The following MIR2052HG variants were observed in gnomAD, a reference collection of about 807,000 sequenced individuals.
MIR2052HG encodes MIR2052 host gene.
chr8:74,744,000 A>T (rs925521435), intron 4 of MIR2052HG, among the ~76,000 whole-genome samples: 12 of 152,218 alleles, frequency 7.9e-5, no homozygotes, highest in African/African-American at 2.9e-4. Context: ...TTATGTTTCA[A>T]ATAAATTATA....
At chr8:74,689,174 G>A (rs1385746260) in intron 2 of MIR2052HG, among the ~76,000 whole-genome samples, 1 of 152,108 alleles carries the variant, frequency 6.6e-6, no homozygotes, top group Non-Finnish European at 1.5e-5. Context: ...ATGTGCTTGG[G>A]ATGTCTCATT....
intron 2 of MIR2052HG, among the ~76,000 whole-genome samples, chr8:74,617,694 A>C (rs1466303741): frequency 6.6e-6 from 1 of 152,056 alleles, no homozygotes; most frequent in Admixed American, 6.6e-5. Flanking sequence ...TTTTTGATAT[A>C]ATTATTTCTT....
chr8:74,689,538 T>C (rs556005457), intron 2 of MIR2052HG, among the ~76,000 whole-genome samples: 1 of 152,238 alleles, frequency 6.6e-6, no homozygotes, highest in African/African-American at 2.4e-5. Context: ...TCAGAAAATA[T>C]GTTACCTGAG....
chr8:74,744,467 C>T (rs1448784725), intron 4 of MIR2052HG, among the ~76,000 whole-genome samples: 7 of 151,914 alleles, frequency 4.6e-5, no homozygotes, highest in Non-Finnish European at 7.4e-5. Context: ...CAATGCTATC[C>T]GTCCCCCCTC....
chr8:74,641,254 A>T (rs1808636518), intron 2 of MIR2052HG, among the ~76,000 whole-genome samples: 2 of 152,298 alleles, frequency 1.3e-5, no homozygotes, highest in South Asian at 4.1e-4. Flanking sequence ...TTGGGTCCTA[A>T]AAGCTCTTCA....
At position 74,600,611 on chromosome 8, in the gene MIR2052HG, C is replaced by A. The variant is rs192882863; in HGVS notation, n.128+703C>A. On this transcript the variant is annotated intron_variant and non_coding_transcript_variant, in intron 1 of 6. Transcript: ENST00000523442. Reference sequence around the variant, plus strand: ...GGAAAAAAAAAAAAGAGACGGAGCTCTGTCAGCAGGCTGGAGTGCGGTGGC... The same window carrying A: ...GGAAAAAAAAAAAAGAGACGGAGCTATGTCAGCAGGCTGGAGTGCGGTGGC... Among the ~76,000 whole-genome samples the A allele has an allele frequency of 1.7e-3, 262 of 151,660 alleles. 1 individual carries two copies. The highest frequency in any genetic ancestry group is 1.4e-3 in the Non-Finnish European group (95 of 67,812).
At chr8:74,730,133 G>C (rs1405290681) in intron 4 of MIR2052HG, among the ~76,000 whole-genome samples, 1 of 152,112 alleles carries the variant, frequency 6.6e-6, no homozygotes, top group East Asian at 1.9e-4. Context: ...ATTACTGAAG[G>C]AATCAAGTGG....
intron 4 of MIR2052HG, among the ~76,000 whole-genome samples, chr8:74,714,344 C>T (rs149833654): frequency 2.6e-3 from 390 of 152,226 alleles, no homozygotes; most frequent in Middle Eastern, 0.02. Flanking sequence ...AAATTAATAG[C>T]AACATATGTG....
At chr8:74,715,831 T>C (rs2128742070) in intron 4 of MIR2052HG, among the ~76,000 whole-genome samples, 1 of 152,324 alleles carries the variant, frequency 6.6e-6, no homozygotes, top group African/African-American at 2.4e-5. Context: ...AAGTAACAAT[T>C]AAAGCCTCTG....
At chr8:74,756,144 T>G (rs1809998184) in intron 5 of MIR2052HG, among the ~76,000 whole-genome samples, 1 of 152,176 alleles carries the variant, frequency 6.6e-6, no homozygotes, top group Admixed American at 6.5e-5. Context: ...AGTACTATAA[T>G]TAGAATTATA....
At chr8:74,682,607 A>G (rs573427513) in intron 2 of MIR2052HG, among the ~76,000 whole-genome samples, 12 of 152,288 alleles carry the variant, frequency 7.9e-5, no homozygotes, top group African/African-American at 2.6e-4. Flanking sequence ...GCTGCATGAG[A>G]TACAGCTTAA....
intron 2 of MIR2052HG, among the ~76,000 whole-genome samples, chr8:74,660,816 T>C (rs1375524885): frequency 1.2e-5 from 1 of 81,244 alleles, no homozygotes; most frequent in African/African-American, 9.4e-5. Context: ...AAATATTCCA[T>C]AAAAAAGTAA....
At chr8:74,702,297 C>A in intron 2 of MIR2052HG, 1 of 287,892 alleles carries the variant, frequency 3.5e-6, no homozygotes, top group South Asian at 2.8e-5. Context: ...AAAGAATATG[C>A]ATAGTTATAT....
chr8:74,673,986 A>G (rs570003618), intron 2 of MIR2052HG, among the ~76,000 whole-genome samples: 31 of 150,192 alleles, frequency 2.1e-4, no homozygotes, highest in Non-Finnish European at 4.3e-4. Context: ...CTGTGCCCAG[A>G]GAAGCCTTTT....
chr8:74,650,983 A>G (rs572649205), intron 2 of MIR2052HG, among the ~76,000 whole-genome samples: 2 of 152,190 alleles, frequency 1.3e-5, no homozygotes, highest in South Asian at 2.1e-4. Flanking sequence ...TCATAAATCT[A>G]TTTTATTGCA....
intron 1 of MIR2052HG, among the ~76,000 whole-genome samples, chr8:74,606,925 T>C (rs190235956): frequency 1.4e-3 from 205 of 151,392 alleles, no homozygotes; most frequent in Non-Finnish European, 2.6e-3. Flanking sequence ...TAAAATGAAA[T>C]AATAAAAAAC....
intron 4 of MIR2052HG, among the ~76,000 whole-genome samples, chr8:74,707,024 C>G (rs1462472017): frequency 1.3e-5 from 2 of 152,096 alleles, no homozygotes; most frequent in Non-Finnish European, 2.9e-5. Context: ...ATTGCATTTT[C>G]TAATTATGGT....
intron 4 of MIR2052HG, among the ~76,000 whole-genome samples, chr8:74,730,897 T>A (rs1052109538): frequency 2.6e-5 from 4 of 152,186 alleles, no homozygotes; most frequent in South Asian, 4.1e-4. Flanking sequence ...CGGTGGCCAG[T>A]GGCCAGACCT....
At chr8:74,693,572 T>G (rs758203814) in intron 2 of MIR2052HG, among the ~76,000 whole-genome samples, 80 of 131,862 alleles carry the variant, frequency 6.1e-4, no homozygotes, top group Non-Finnish European at 1.1e-3. Context: ...GCCCTGCTCA[T>G]CTGCTGCCTG....
Sources: gnomAD v4.1 joint callset for allele counts (sites outside exome capture counted in the v4.1 genomes callset) on GRCh38, gnomAD v4.1.1 for gene constraint, MANE v1.5 for transcripts, NCBI Gene and HGNC (gene_info 2026-07-23, HGNC 2026-07-21) for gene names.